The following TMTC1 variants were observed in gnomAD, a reference collection of about 807,000 sequenced individuals.
TMTC1 encodes the protein protein O-mannosyl-transferase TMTC1.
A neutral mutation model predicts 104.8 loss-of-function variants in TMTC1; 73 were observed. The observed-to-expected ratio is 0.70, with a 90% CI of 0.58 to 0.85. The LOEUF (loss-of-function observed/expected upper bound fraction) is 0.85, where lower values mean the gene tolerates loss of function less well. Among genes scored for constraint, TMTC1 ranks in the 40% least tolerant of loss-of-function variants. TMTC1 has a pLI of 0.00. For missense variants in TMTC1, 1,035 were observed against 1,096.1 expected (o/e 0.94, Z 0.79); for synonymous variants, 434 against 428.7 (o/e 1.01, Z -0.15).
At chr12:29,595,694 C>T (rs1411804575) in intron 7 of TMTC1, among the ~76,000 whole-genome samples, 1 of 152,160 alleles carries the variant, frequency 6.6e-6, no homozygotes, top group Non-Finnish European at 1.5e-5. Context: ...GGCACAGACA[C>T]ATTCAAGTTA....
intron 17 of TMTC1, among the ~76,000 whole-genome samples, chr12:29,509,150 C>G (rs538278286): frequency 2.6e-5 from 4 of 152,274 alleles, no homozygotes; most frequent in Admixed American, 2.0e-4. Context: ...TCCATTGTCA[C>G]AAAAGTTCTG....
chr12:29,566,835 T>C (rs546006686), intron 9 of TMTC1, among the ~76,000 whole-genome samples: 1 of 152,284 alleles, frequency 6.6e-6, no homozygotes, highest in African/African-American at 2.4e-5. Context: ...ATCTCAACCC[T>C]ATTTTGCTAA....
chr12:29,629,178 G>A (rs567978601), intron 6 of TMTC1, among the ~76,000 whole-genome samples: 56 of 151,906 alleles, frequency 3.7e-4, no homozygotes, highest in African/African-American at 1.1e-3. Context: ...AAAATTAGCC[G>A]GGCGTGGTGG....
intron 1 of TMTC1, among the ~76,000 whole-genome samples, chr12:29,780,963 A>G (rs936686557): frequency 1.3e-5 from 2 of 152,238 alleles, no homozygotes; most frequent in African/African-American, 2.4e-5. Context: ...TGTTTTCACT[A>G]TCTAAAATAA....
chr12:29,722,931 A>G (rs1942277883), intron 5 of TMTC1, among the ~76,000 whole-genome samples: 1 of 123,946 alleles, frequency 8.1e-6, no homozygotes, highest in Non-Finnish European at 1.7e-5. Context: ...AAAAAAAAAA[A>G]AAAAGGAAGA....
chr12:29,630,357 G>T (rs1217195126), intron 6 of TMTC1, among the ~76,000 whole-genome samples: 1 of 152,030 alleles, frequency 6.6e-6, no homozygotes, highest in African/African-American at 2.4e-5. Flanking sequence ...CTGAGCAAAG[G>T]GAGAAAAACC....
intron 6 of TMTC1, among the ~76,000 whole-genome samples, chr12:29,623,165 T>C (rs1000064831): frequency 3.9e-5 from 6 of 152,194 alleles, no homozygotes; most frequent in Non-Finnish European, 7.4e-5. Flanking sequence ...AGAAAGAATT[T>C]GTTTTTGTTT....
chr12:29,549,218 T>C (rs1945030398), intron 10 of TMTC1, among the ~76,000 whole-genome samples: 1 of 151,458 alleles, frequency 6.6e-6, no homozygotes, highest in Admixed American at 6.6e-5. Context: ...TACTCAGCAA[T>C]AAAAAGTAAT....
intron 4 of TMTC1, 105 bp downstream of exon 4, chr12:29,755,604 A>G (rs1376774372): frequency 3.9e-5 from 38 of 984,212 alleles, no homozygotes; most frequent in Non-Finnish European, 5.4e-5. Context: ...GTGAGATGAC[A>G]TTTAATAAAG....
At chr12:29,731,588 T>G (rs1369355760) in intron 5 of TMTC1, among the ~76,000 whole-genome samples, 1 of 152,190 alleles carries the variant, frequency 6.6e-6, no homozygotes, top group Non-Finnish European at 1.5e-5. Context: ...TTTGAATTTT[T>G]GCAATCAGAC....
At chr12:29,519,413 A>G (rs963329790) in intron 12 of TMTC1, 1 of 152,236 alleles carries the variant, frequency 6.6e-6, no homozygotes, top group African/African-American at 2.4e-5. Context: ...TAAGGCCAGA[A>G]GCAGAATGAA....
At chr12:29,544,239 T>C (rs1314893379) in intron 10 of TMTC1, among the ~76,000 whole-genome samples, 2 of 126,096 alleles carry the variant, frequency 1.6e-5, no homozygotes, top group East Asian at 2.0e-4. Context: ...CAAAACTCCA[T>C]CTCAAAAAAA....
rs1480775380 is a variant in TMTC1 at position 29,524,779 on chromosome 12, C to T, written c.1786-4059G>A. On this transcript the variant is annotated intron_variant, in intron 11 of 17. Transcript: ENST00000539277. The stretch of plus-strand genomic sequence containing the variant: ...ATTAAATGTTTTTGCTCACATTGGT[C>T]CTGAATCTTTTCTACCCAGGCATAA... 2.0e-5 allele frequency among the ~76,000 whole-genome samples: 3 copies of T among 152,244 alleles called. No homozygotes were observed. The East Asian group carries it at 5.8e-4, about 29-fold the overall frequency.
intron 6 of TMTC1, among the ~76,000 whole-genome samples, chr12:29,605,697 T>G (rs57764573): frequency 0.045 from 6,797 of 152,284 alleles, 520 homozygotes; most frequent in African/African-American, 0.15. Context: ...CTGTATAGTT[T>G]ATTTATTTGT....
In TMTC1 at chr12:29,668,516, A is replaced by G. The variant is rs146027471; in HGVS notation, c.939-35180T>C. Among the ~76,000 whole-genome samples, 774 of 131,204 alleles carry G rather than the reference A, an allele frequency of 5.9e-3. 4 individuals carry two copies. Among genetic ancestry groups the G allele is most frequent in the African/African-American group, 0.022 (748 of 34,608 alleles). 86.1% of individuals were successfully genotyped at this position (131,204 alleles called of 152,430 possible). A position where few individuals can be genotyped will look rare whatever the true frequency, so the allele number is the denominator to read the frequency against. ...CACTCTGTCACCCAGGCTGGAGTGCAGTGGCACGATCTCAGCTCACTGCAA... is the reference window on the plus strand; with the variant it reads ...CACTCTGTCACCCAGGCTGGAGTGCGGTGGCACGATCTCAGCTCACTGCAA... On this transcript the variant is annotated intron_variant, in intron 5 of 17. Coordinates refer to ENST00000539277, the MANE Select transcript of TMTC1 (RefSeq NM_001193451.2).
chr12:29,548,980 T>C (rs1260141781), intron 10 of TMTC1, among the ~76,000 whole-genome samples: 2 of 145,160 alleles, frequency 1.4e-5, no homozygotes, highest in Non-Finnish European at 3.0e-5. Flanking sequence ...ATTAAATATA[T>C]AAATTAAATT....
intron 5 of TMTC1, among the ~76,000 whole-genome samples, chr12:29,716,028 ATTATTT>A (rs1565789950): frequency 7.0e-6 from 1 of 142,192 alleles, no homozygotes; most frequent in Non-Finnish European, 1.5e-5. Context: ...TATTATTATT[ATTATTT>A]TAGAAACAGG....
At chr12:29,679,422 T>G (rs910986483) in intron 5 of TMTC1, among the ~76,000 whole-genome samples, 4 of 152,128 alleles carry the variant, frequency 2.6e-5, no homozygotes, top group African/African-American at 9.7e-5. Flanking sequence ...TTTTGTAAAA[T>G]TTCTTACAAA....
chr12:29,774,681 C>T (rs1943668726), intron 1 of TMTC1, among the ~76,000 whole-genome samples: 2 of 152,180 alleles, frequency 1.3e-5, no homozygotes, highest in Admixed American at 1.3e-4. Flanking sequence ...GATCATTCAA[C>T]CAATAAATAA....
Sources: allele counts gnomAD v4.1 joint callset (sites outside exome capture counted in the v4.1 genomes callset), GRCh38; gene constraint gnomAD v4.1.1; transcripts MANE v1.5; gene names NCBI Gene and HGNC (gene_info 2026-07-23, HGNC 2026-07-21).